The following SETBP1 variants were observed in gnomAD, a reference collection of about 807,000 sequenced individuals.
SETBP1 encodes SET-binding protein.
A neutral mutation model predicts 101.0 loss-of-function variants in SETBP1; 9 were observed. The observed-to-expected ratio is 0.09, with a 90% CI of 0.05 to 0.16. The LOEUF (loss-of-function observed/expected upper bound fraction) is 0.16. Ranked by LOEUF, SETBP1 falls within the 10% of genes least tolerant of loss-of-function variation. The probability of loss-of-function intolerance (pLI) is 1.00; values close to 1 mark genes in which losing one functional copy is unlikely to be tolerated. For missense variants in SETBP1, 1,858 were observed against 2,033.8 expected (o/e 0.91, Z 1.66); for synonymous variants, 818 against 788.5 (o/e 1.04, Z -0.63).
intron 2 of SETBP1, among the ~76,000 whole-genome samples, chr18:44,822,603 C>T (rs556495189): frequency 3.3e-5 from 5 of 152,310 alleles, no homozygotes; most frequent in Non-Finnish European, 5.9e-5. Flanking sequence ...CTTTGCAGCT[C>T]GTTCTGCTAA....
intron 3 of SETBP1, among the ~76,000 whole-genome samples, chr18:44,873,432 A>T (rs1283664129): frequency 6.6e-6 from 1 of 152,206 alleles, no homozygotes; most frequent in East Asian, 1.9e-4. Flanking sequence ...TGTTTCTTCC[A>T]TTAGAGAAGT....
intron 2 of SETBP1, among the ~76,000 whole-genome samples, chr18:44,710,090 C>T (rs2069305524): frequency 6.6e-6 from 1 of 152,172 alleles, no homozygotes; most frequent in South Asian, 2.1e-4. Flanking sequence ...CTCATTGCTA[C>T]ATTGCTAGTT....
intron 2 of SETBP1, among the ~76,000 whole-genome samples, chr18:44,806,037 T>C (rs544654484): frequency 6.6e-6 from 1 of 152,232 alleles, no homozygotes; most frequent in East Asian, 1.9e-4. Flanking sequence ...AGACCTTCTT[T>C]TCCTCTTTGC....
chr18:44,890,834 T>A (rs1389196055), intron 3 of SETBP1, among the ~76,000 whole-genome samples: 1 of 152,170 alleles, frequency 6.6e-6, no homozygotes, highest in African/African-American at 2.4e-5. Context: ...TTAAATGAAT[T>A]GCCCAAGCTC....
chr18:44,835,639 G>A lies in SETBP1; in HGVS notation c.487-33591G>A, dbSNP rs561436734. 4.6e-5 allele frequency among the ~76,000 whole-genome samples: 7 copies of A among 152,170 alleles called. No individual in the cohort carries two copies. In the East Asian group the frequency reaches 1.4e-3, roughly 29 times the overall value. The stretch of plus-strand genomic sequence containing the variant: ...TCTAAGAATCTCATTTTAGAGTTTA[G>A]GGATCCACCTTGTCTGGCTGCTCAA... On this transcript the variant is annotated intron_variant, in intron 2 of 5. Coordinates refer to ENST00000649279, the MANE Select transcript of SETBP1 (RefSeq NM_015559.3).
At chr18:44,901,904 A>T (rs2070054947) in intron 3 of SETBP1, among the ~76,000 whole-genome samples, 1 of 152,186 alleles carries the variant, frequency 6.6e-6, no homozygotes, top group Non-Finnish European at 1.5e-5. Context: ...ATATATTTTA[A>T]CACATCTTTT....
chr18:44,793,725 G>T (rs2144740651), intron 2 of SETBP1, among the ~76,000 whole-genome samples: 1 of 152,284 alleles, frequency 6.6e-6, no homozygotes, highest in South Asian at 2.1e-4. Context: ...CACACAGATG[G>T]ATAAATATGT....
At chr18:44,954,350 A>AAAAAC (rs1342413744) in intron 4 of SETBP1, among the ~76,000 whole-genome samples, 4 of 151,760 alleles carry the variant, frequency 2.6e-5, no homozygotes, top group African/African-American at 9.7e-5. Context: ...AAAAAAAAAA[A>AAAAAC]AAAACAGTTC....
At chr18:44,978,795 G>A (rs1162077919) in intron 4 of SETBP1, among the ~76,000 whole-genome samples, 5 of 152,190 alleles carry the variant, frequency 3.3e-5, no homozygotes, top group Non-Finnish European at 4.4e-5. Flanking sequence ...ATGGCCTGCA[G>A]TGAGTTGGAG....
At chr18:44,914,809 C>G (rs937222347) in intron 3 of SETBP1, among the ~76,000 whole-genome samples, 11 of 152,022 alleles carry the variant, frequency 7.2e-5, no homozygotes, top group African/African-American at 2.7e-4. Context: ...AATTCCCAGA[C>G]CAGTGCTTTT....
chr18:44,894,056 A>G (rs1030197015), intron 3 of SETBP1, among the ~76,000 whole-genome samples: 1 of 152,150 alleles, frequency 6.6e-6, no homozygotes, highest in Non-Finnish European at 1.5e-5. Flanking sequence ...GTTCAAGCAA[A>G]GAACCTTAGA....
chr18:45,031,118 G>A (rs911269212), intron 4 of SETBP1, among the ~76,000 whole-genome samples: 1 of 151,788 alleles, frequency 6.6e-6, no homozygotes, highest in Non-Finnish European at 1.5e-5. Context: ...TGTCAATTTT[G>A]GATCTTTCCT....
At chr18:44,881,723 G>A (rs543181565) in intron 3 of SETBP1, among the ~76,000 whole-genome samples, 8 of 152,282 alleles carry the variant, frequency 5.3e-5, no homozygotes, top group African/African-American at 1.7e-4. Context: ...ATACACAGCT[G>A]AGGGAGATTA....
intron 4 of SETBP1, among the ~76,000 whole-genome samples, chr18:44,972,342 T>C (rs1187132665): frequency 1.3e-5 from 2 of 152,200 alleles, no homozygotes; most frequent in East Asian, 3.8e-4. Context: ...TGGCTTAGGA[T>C]TGACTTGGCG....
rs577665341 is a variant in SETBP1 at position 44,943,771 on chromosome 18, G to A, written c.541-6110G>A. Among the ~76,000 whole-genome samples, 4 of 152,194 alleles carry A rather than the reference G, an allele frequency of 2.6e-5. No individual in the cohort carries two copies. The South Asian group carries it at 6.2e-4, about 24-fold the overall frequency. On this transcript the variant is annotated intron_variant, in intron 3 of 5. Transcript: ENST00000649279. Reference sequence around the variant, plus strand: ...TGATGGCCTGCCAGGATTCCCCAGGGGTTTGGAATCCCACAGTGGGAGGTC... The same window carrying A: ...TGATGGCCTGCCAGGATTCCCCAGGAGTTTGGAATCCCACAGTGGGAGGTC...
chr18:44,722,402 GGT>G (rs1278393176), intron 2 of SETBP1, among the ~76,000 whole-genome samples: 18 of 152,224 alleles, frequency 1.2e-4, no homozygotes, highest in African/African-American at 4.3e-4. Context: ...CTTAATGGGT[GGT>G]GTGTGTGAGC....
chr18:44,748,707 CT>C (rs1007732274), intron 2 of SETBP1, among the ~76,000 whole-genome samples: 41 of 152,310 alleles, frequency 2.7e-4, no homozygotes, highest in African/African-American at 9.6e-4. Flanking sequence ...CACTTAGCTT[CT>C]GTCTCATTGG....
At chr18:44,976,091 C>CACACAG (rs935712796) in intron 4 of SETBP1, among the ~76,000 whole-genome samples, 6 of 150,822 alleles carry the variant, frequency 4.0e-5, no homozygotes, top group Non-Finnish European at 8.8e-5. Context: ...CACACACACA[C>CACACAG]ACACACACAC....
At chr18:44,767,546 C>T (rs1432386850) in intron 2 of SETBP1, among the ~76,000 whole-genome samples, 1 of 152,178 alleles carries the variant, frequency 6.6e-6, no homozygotes, top group Non-Finnish European at 1.5e-5. Context: ...CTCCTTACCT[C>T]CTTAAGATGG....
Sources: allele counts gnomAD v4.1 joint callset (sites outside exome capture counted in the v4.1 genomes callset), GRCh38; gene constraint gnomAD v4.1.1; transcripts MANE v1.5; gene names NCBI Gene and HGNC (gene_info 2026-07-23, HGNC 2026-07-21).